Variants in SNX10 observed in about 807,000 individuals in gnomAD.
SNX10 encodes sorting nexin-10.
A neutral mutation model predicts 28.5 loss-of-function variants in SNX10; 25 were observed. The ratio of observed to expected loss-of-function variants is 0.88; its 90% CI spans 0.64 to 1.22. The LOEUF is 1.22. Ranked by LOEUF, SNX10 falls within the 50% of genes most tolerant of loss-of-function variation. The pLI is 0.00. For synonymous variants in SNX10, 62 were observed against 81.4 expected (o/e 0.76, Z 1.28); for missense variants, 223 against 242.6 (o/e 0.92, Z 0.54).
chr7:26,332,347 A>G (rs1298983797), intron 1 of SNX10, among the ~76,000 whole-genome samples: 1 of 152,194 alleles, frequency 6.6e-6, no homozygotes, highest in Non-Finnish European at 1.5e-5. Flanking sequence ...GATATCAAGC[A>G]TCTTTTCATT....
intron 2 of SNX10, among the ~76,000 whole-genome samples, chr7:26,354,904 G>A (rs1158051284): frequency 6.6e-6 from 1 of 151,658 alleles, no homozygotes; most frequent in Admixed American, 6.6e-5. Context: ...GTCCTAGGCC[G>A]AAAGATTTTC....
chr7:26,364,462 A>T lies in SNX10; in HGVS notation c.112-73A>T. On this transcript the variant is annotated intron_variant, in intron 3 of 6. Transcript: ENST00000338523. The surrounding 1 kb of genome is among the most constrained non-coding windows in gnomAD (Gnocchi z 4.9). ...TATTTAGAGTGAATGTTGAGATCAT[A>T]TTGTGAATTATAGATACAAGAAATG... The T allele has an allele frequency of 6.6e-7, 1 of 1,504,770 alleles. No homozygotes were observed. The highest frequency in any genetic ancestry group is 8.9e-7 in the Non-Finnish European group (1 of 1,123,228). 93.2% of individuals were successfully genotyped at this position (1,504,770 alleles called of 1,614,324 possible).
intron 1 of SNX10, among the ~76,000 whole-genome samples, chr7:26,306,095 G>T (rs1314979316): frequency 6.6e-6 from 1 of 151,630 alleles, no homozygotes; most frequent in Admixed American, 6.6e-5. Flanking sequence ...GTAGAGACGG[G>T]TTTTCGCCAG....
intron 1 of SNX10, among the ~76,000 whole-genome samples, chr7:26,340,949 A>C (rs562306073): frequency 1.3e-5 from 2 of 152,274 alleles, no homozygotes; most frequent in South Asian, 4.1e-4. Context: ...TTTAAAATGA[A>C]AAATTCAAAC....
rs149785859 is a variant in SNX10 at position 26,325,306 on chromosome 7, A to AAT, written c.-23-21093_-23-21092dup. ...AATTTTTTTCTACTGAAGTTTGCAA[A>AAT]ATATATATATATATATATATATTTG... On this transcript the variant is annotated intron_variant, in intron 1 of 6. Transcript: ENST00000338523. Among the ~76,000 whole-genome samples the AAT allele has an allele frequency of 1.1e-3, 55 of 51,370 alleles. 10 individuals are homozygous for AAT. Among genetic ancestry groups the AAT allele is most frequent in the Middle Eastern group, 0.022 (2 of 90 alleles). The allele number at this position is 51,370 out of a possible 152,430, so 33.7% of individuals were successfully genotyped here. A position where few individuals can be genotyped will look rare whatever the true frequency, so the allele number is the denominator to read the frequency against.
chr7:26,369,802 A>G (rs545000130), intron 5 of SNX10, among the ~76,000 whole-genome samples: 1 of 152,360 alleles, frequency 6.6e-6, no homozygotes, highest in African/African-American at 2.4e-5. Flanking sequence ...ATTGAATTAT[A>G]GCTCAAGAAA....
At chr7:26,361,414 C>A (rs1789062285) in intron 3 of SNX10, among the ~76,000 whole-genome samples, 1 of 151,528 alleles carries the variant, frequency 6.6e-6, no homozygotes, top group Admixed American at 6.6e-5. Flanking sequence ...TGCCTGATAA[C>A]CTTCAAGTTT....
intron 1 of SNX10, among the ~76,000 whole-genome samples, chr7:26,297,382 C>G (rs1450098717): frequency 6.6e-6 from 1 of 152,190 alleles, no homozygotes; most frequent in Non-Finnish European, 1.5e-5. Flanking sequence ...GAATAAGGCA[C>G]CGCAGCTGGC....
intron 1 of SNX10, among the ~76,000 whole-genome samples, chr7:26,304,856 C>T (rs868027078): frequency 6.6e-5 from 10 of 152,152 alleles, no homozygotes; most frequent in Middle Eastern, 3.2e-3. Flanking sequence ...TCTTTTAACT[C>T]CGGGTTCCTT....
intron 1 of SNX10, among the ~76,000 whole-genome samples, chr7:26,301,019 CAAAAAAA>C (rs1170123330): frequency 2.0e-4 from 2 of 9,994 alleles, no homozygotes; most frequent in African/African-American, 3.7e-4. Context: ...ACTCTGTCTC[CAAAAAAA>C]AAAAAAAAAA....
intron 1 of SNX10, among the ~76,000 whole-genome samples, chr7:26,331,558 C>T (rs936934587): frequency 1.3e-5 from 2 of 152,134 alleles, no homozygotes; most frequent in South Asian, 2.1e-4. Flanking sequence ...TGCACTCCAG[C>T]CTGGGTGACA....
chr7:26,319,227 A>G (rs1385553477), intron 1 of SNX10, among the ~76,000 whole-genome samples: 2 of 152,252 alleles, frequency 1.3e-5, no homozygotes, highest in Non-Finnish European at 2.9e-5. Context: ...TTGTAGCAGT[A>G]TCTTTCTAGG....
At chr7:26,301,192 C>T (rs1786351359) in intron 1 of SNX10, among the ~76,000 whole-genome samples, 1 of 152,110 alleles carries the variant, frequency 6.6e-6, no homozygotes, top group African/African-American at 2.4e-5. Flanking sequence ...TATGTCTAAC[C>T]AGGCTTTCTG....
intron 1 of SNX10, among the ~76,000 whole-genome samples, chr7:26,313,245 C>T (rs544655681): frequency 6.6e-6 from 1 of 152,334 alleles, no homozygotes; most frequent in African/African-American, 2.4e-5. Flanking sequence ...GATTAGAATA[C>T]TCACCAGGAG....
Position 26,365,215 on chromosome 7 carries a change from G to A in SNX10, c.311+70G>A, listed in dbSNP as rs1032584110. On this transcript the variant is annotated intron_variant, in intron 5 of 6. Coordinates refer to ENST00000338523, the MANE Select transcript of SNX10 (RefSeq NM_013322.3). ...AGTGCTTTACAAGAGCTGCATGGTG[G>A]TGTGGGGAAGAGTGTTCCTGTTTCT... 10 of 892,342 alleles carry A rather than the reference G, an allele frequency of 1.1e-5. No individual in the cohort carries two copies. In the African/African-American group the frequency reaches 1.5e-4, roughly 13 times the overall value. 55.3% of individuals were successfully genotyped at this position (892,342 alleles called of 1,614,324 possible).
intron 2 of SNX10, among the ~76,000 whole-genome samples, chr7:26,355,466 T>A (rs1342901665): frequency 6.6e-6 from 1 of 152,266 alleles, no homozygotes; most frequent in Non-Finnish European, 1.5e-5. Context: ...ATAGTGTGTC[T>A]CTGCTTTGAT....
At chr7:26,368,324 T>A (rs115295462) in intron 5 of SNX10, among the ~76,000 whole-genome samples, 8 of 152,326 alleles carry the variant, frequency 5.3e-5, no homozygotes, top group African/African-American at 1.9e-4. Context: ...ATTTTTCAAA[T>A]ATATTCATTT....
intron 2 of SNX10, among the ~76,000 whole-genome samples, chr7:26,358,013 A>G (rs1788894740): frequency 6.6e-6 from 1 of 152,184 alleles, no homozygotes; most frequent in African/African-American, 2.4e-5. Flanking sequence ...AATAGTGTGC[A>G]AAGAACAACA....
intron 2 of SNX10, among the ~76,000 whole-genome samples, chr7:26,359,326 AT>A (rs577750610): frequency 1.2e-3 from 184 of 152,224 alleles, no homozygotes; most frequent in South Asian, 1.7e-3. Flanking sequence ...AAAATCCTCT[AT>A]GATGAAGAGT....
Sources: gnomAD v4.1 joint callset for allele counts (sites outside exome capture counted in the v4.1 genomes callset) on GRCh38, gnomAD v4.1.1 for gene constraint, Gnocchi (gnomAD v3.1) non-coding constraint, MANE v1.5 for transcripts, NCBI Gene and HGNC (gene_info 2026-07-23, HGNC 2026-07-21) for gene names.